Variants in PLCB4 observed in about 807,000 individuals in gnomAD.
PLCB4 encodes the protein 1-phosphatidylinositol 4,5-bisphosphate phosphodiesterase beta-4.
A neutral mutation model predicts 178.8 loss-of-function variants in PLCB4; 77 were observed. The ratio of observed to expected loss-of-function variants is 0.43; its 90% CI spans 0.36 to 0.52. The LOEUF is 0.52. Among genes scored for constraint, PLCB4 ranks in the 20% least tolerant of loss-of-function variants. The pLI is 0.00. For missense variants in PLCB4, 1,024 were observed against 1,453.4 expected (o/e 0.70, Z 4.80); for synonymous variants, 496 against 490.8 (o/e 1.01, Z -0.14).
At chr20:9,078,370 TC>T (rs879341445) in intron 1 of PLCB4, among the ~76,000 whole-genome samples, 1,615 of 147,266 alleles carry the variant, frequency 0.011, 13 homozygotes, top group Middle Eastern at 0.028. Context: ...TTTCTTTTCT[TC>T]TTCTCTTCTT....
chr20:9,096,865 A>T (rs962255347), intron 2 of PLCB4, among the ~76,000 whole-genome samples: 3 of 152,140 alleles, frequency 2.0e-5, no homozygotes, highest in Non-Finnish European at 2.9e-5. Context: ...TGTAATCCAT[A>T]CAGAGCCTGC....
intron 21 of PLCB4, among the ~76,000 whole-genome samples, chr20:9,405,780 T>G (rs1037027031): frequency 2.6e-5 from 4 of 152,242 alleles, no homozygotes; most frequent in Non-Finnish European, 5.9e-5. Flanking sequence ...ATTTTCACTT[T>G]CTTTCATCCT....
At chr20:9,098,413 C>T (rs779364633) in intron 2 of PLCB4, among the ~76,000 whole-genome samples, 37 of 151,962 alleles carry the variant, frequency 2.4e-4, no homozygotes, top group Non-Finnish European at 4.9e-4. Flanking sequence ...AGGAAAGTTG[C>T]TTTTTCGCAT....
rs528381780 is a variant in PLCB4, at chr20:9,178,787, C to A, written c.-78-38603C>A. Among the ~76,000 whole-genome samples the A allele has an allele frequency of 2.6e-5, 4 of 151,430 alleles. No individual in the cohort carries two copies. In the South Asian group the frequency reaches 8.3e-4, roughly 32 times the overall value. On this transcript the variant is annotated intron_variant, in intron 2 of 39. Transcript: ENST00000378473. Reference sequence around the variant, plus strand: ...TTGTATATAGGGATATATGATAGATCAATAAAATACTTTTAGCCACAAAAA... The same window carrying A: ...TTGTATATAGGGATATATGATAGATAAATAAAATACTTTTAGCCACAAAAA...
At chr20:9,333,517 T>A (rs1216663274) in intron 4 of PLCB4, among the ~76,000 whole-genome samples, 2 of 151,998 alleles carry the variant, frequency 1.3e-5, no homozygotes, top group Non-Finnish European at 2.9e-5. Context: ...GAACAGAGAG[T>A]GGCATGAGAT....
At chr20:9,126,857 A>T (rs2092128669) in intron 2 of PLCB4, among the ~76,000 whole-genome samples, 1 of 151,614 alleles carries the variant, frequency 6.6e-6, no homozygotes, top group Admixed American at 6.6e-5. Context: ...TTGAGAGAAA[A>T]CCATTTTAGC....
At chr20:9,377,584 G>A (rs1470500998) in intron 12 of PLCB4, among the ~76,000 whole-genome samples, 1 of 152,200 alleles carries the variant, frequency 6.6e-6, no homozygotes, top group Non-Finnish European at 1.5e-5. Flanking sequence ...AGTGGGAGCA[G>A]AAGCAAAAAC....
chr20:9,291,471 G>A (rs1367716020), intron 3 of PLCB4, among the ~76,000 whole-genome samples: 2 of 152,122 alleles, frequency 1.3e-5, no homozygotes, highest in Non-Finnish European at 2.9e-5. Flanking sequence ...CTGAGATTAA[G>A]GATTTTATTT....
At chr20:9,106,081 A>G (rs1477012779) in intron 2 of PLCB4, among the ~76,000 whole-genome samples, 1 of 152,120 alleles carries the variant, frequency 6.6e-6, no homozygotes, top group Non-Finnish European at 1.5e-5. Context: ...TTTCCAAAGT[A>G]TAAAGAGCTT....
chr20:9,188,595 C>T (rs6056460), intron 2 of PLCB4, among the ~76,000 whole-genome samples: 62 of 39,964 alleles, frequency 1.6e-3, no homozygotes, highest in African/African-American at 5.4e-3. Context: ...GGTTGGTTAA[C>T]TGTTCATTGT....
At chr20:9,141,130 T>A (rs2092481808) in intron 2 of PLCB4, among the ~76,000 whole-genome samples, 1 of 152,140 alleles carries the variant, frequency 6.6e-6, no homozygotes, top group Non-Finnish European at 1.5e-5. Context: ...GCCAACTTTT[T>A]CTTTTCTTTA....
chr20:9,238,528 A>G (rs1463834024), intron 3 of PLCB4, among the ~76,000 whole-genome samples: 1 of 152,198 alleles, frequency 6.6e-6, no homozygotes, highest in Non-Finnish European at 1.5e-5. Context: ...CCTTTCTGAT[A>G]TCACGCTGTC....
intron 2 of PLCB4, among the ~76,000 whole-genome samples, chr20:9,210,448 T>A (rs2093661265): frequency 6.6e-6 from 1 of 152,136 alleles, no homozygotes. Flanking sequence ...CATTTAGGGA[T>A]CACTCACTTG....
At chr20:9,186,340 TATA>T (rs888481994) in intron 2 of PLCB4, among the ~76,000 whole-genome samples, 1 of 152,230 alleles carries the variant, frequency 6.6e-6, no homozygotes, top group Non-Finnish European at 1.5e-5. Context: ...TGTTTTTTCT[TATA>T]ATGACAGATT....
intron 32 of PLCB4, among the ~76,000 whole-genome samples, chr20:9,445,454 A>G (rs1010549438): frequency 6.6e-6 from 1 of 152,218 alleles, no homozygotes; most frequent in African/African-American, 2.4e-5. Context: ...TGAGATGCCG[A>G]GAACATTGTC....
chr20:9,407,907 G>A lies in PLCB4; in HGVS notation c.1648-10G>A, dbSNP rs1406483704. On this transcript the variant is annotated splice_polypyrimidine_tract_variant and intron_variant, in intron 21 of 39. Coordinates refer to ENST00000378473, the MANE Select transcript of PLCB4 (RefSeq NM_001377142.1). ...CATCAACTTATATGTTTTCTTCCTT[G>A]TGCTTGTAGGGCCTGGTCACTGTAG... 1 of 1,605,728 alleles carries A rather than the reference G, an allele frequency of 6.2e-7. No individual in the cohort carries two copies. Among genetic ancestry groups the A allele is most frequent in the Admixed American group, 1.7e-5 (1 of 57,868 alleles).
intron 8 of PLCB4, 23 bp downstream of exon 8, chr20:9,362,998 GT>G: frequency 6.6e-7 from 1 of 1,522,998 alleles, no homozygotes; most frequent in Non-Finnish European, 9.1e-7. Context: ...TGCATTACTC[GT>G]TTTTCTTGGC....
intron 3 of PLCB4, among the ~76,000 whole-genome samples, chr20:9,231,850 C>T (rs1005658586): frequency 2.0e-5 from 3 of 152,042 alleles, no homozygotes; most frequent in African/African-American, 7.2e-5. Flanking sequence ...GACTCGTAAA[C>T]GTATGTTCAT....
At chr20:9,375,463 T>C (rs1463517378) in intron 12 of PLCB4, among the ~76,000 whole-genome samples, 1 of 152,168 alleles carries the variant, frequency 6.6e-6, no homozygotes, top group Non-Finnish European at 1.5e-5. Flanking sequence ...GAAGGTTCCT[T>C]GTGAAGGTTC....
Sources: gnomAD v4.1 joint callset for allele counts (sites outside exome capture counted in the v4.1 genomes callset) on GRCh38, gnomAD v4.1.1 for gene constraint, MANE v1.5 for transcripts, NCBI Gene and HGNC (gene_info 2026-07-23, HGNC 2026-07-21) for gene names.